Variants in NRK observed in about 807,000 individuals in gnomAD.
NRK encodes Nik related kinase.
A neutral mutation model predicts 125.2 loss-of-function variants in NRK; 67 were observed. The observed-to-expected ratio is 0.54, with a 90% CI of 0.44 to 0.66. The LOEUF (loss-of-function observed/expected upper bound fraction) is 0.66, where lower values mean the gene tolerates loss of function less well. Ranked by LOEUF, NRK falls within the 30% of genes least tolerant of loss-of-function variation. The pLI is 0.00. For synonymous variants in NRK, 458 were observed against 429.0 expected (o/e 1.07, Z -0.84); for missense variants, 1,224 against 1,192.9 (o/e 1.03, Z -0.38).
Position 105,947,682 on chromosome X carries a change from T to C in NRK, c.4353+1218T>C, listed in dbSNP as rs775028820. Among the ~76,000 whole-genome samples the C allele has an allele frequency of 3.6e-5, 4 of 111,744 alleles. No homozygotes were observed. The South Asian group carries it at 1.1e-3, about 31-fold the overall frequency. On this transcript the variant is annotated intron_variant, in intron 26 of 28. Transcript: ENST00000243300. ...ACCAACAGTTCTCTGCTTCACTATA[T>C]TTAAATTCCCAATTTTTAGACAACC...
chrX:105,837,018 C>A (rs2147647493), intron 2 of NRK, among the ~76,000 whole-genome samples: 1 of 111,511 alleles, frequency 9.0e-6, no homozygotes, highest in South Asian at 3.7e-4. Context: ...ACTTTTTAAC[C>A]AGCTAATATA....
At chrX:105,870,417 C>T (rs996397271) in intron 2 of NRK, among the ~76,000 whole-genome samples, 3 of 111,447 alleles carry the variant, frequency 2.7e-5, no homozygotes, top group Admixed American at 9.6e-5. Flanking sequence ...ATGGTGTCAC[C>T]CATTTGTAAC....
intron 2 of NRK, among the ~76,000 whole-genome samples, chrX:105,844,009 G>GTC (rs1259986219): frequency 1.2e-4 from 11 of 88,275 alleles, no homozygotes; most frequent in Non-Finnish European, 1.7e-4. Context: ...GTGTGTGTGT[G>GTC]TGTGTGTGTC....
chrX:105,898,758 G>A (rs1360531719), intron 8 of NRK, 44 bp downstream of exon 8: 1 of 1,017,660 alleles, frequency 9.8e-7, no homozygotes, highest in Admixed American at 3.8e-5. Context: ...ATTTGGAAAG[G>A]ATTTTTGATT....
intron 2 of NRK, among the ~76,000 whole-genome samples, chrX:105,843,570 G>T (rs2039356541): frequency 8.9e-6 from 1 of 111,805 alleles, no homozygotes. Flanking sequence ...TATTTCCAAA[G>T]GATGGAAATA....
At position 105,894,773 on chromosome X, in the gene NRK, A is replaced by G. The variant is rs531558770; in HGVS notation, c.490-660A>G. 6.2e-5 allele frequency among the ~76,000 whole-genome samples: 7 copies of G among 112,225 alleles called. No homozygotes were observed. The South Asian group carries it at 1.8e-3, about 30-fold the overall frequency. The stretch of plus-strand genomic sequence containing the variant: ...ATTTACTCCATGTAAAGCACTTAGT[A>G]CAATCCTTGGCAAAGAATAAGGGCT... On this transcript the variant is annotated intron_variant, in intron 6 of 28. Transcript: ENST00000243300.
At chrX:105,830,238 C>T (rs1215492980) in intron 1 of NRK, among the ~76,000 whole-genome samples, 3 of 86,358 alleles carry the variant, frequency 3.5e-5, no homozygotes, top group Non-Finnish European at 2.1e-5. Context: ...CACTTGAATT[C>T]GGGAGGCAGA....
At chrX:105,830,195 G>A in intron 1 of NRK, among the ~76,000 whole-genome samples, 1 of 105,810 alleles carries the variant, frequency 9.5e-6, no homozygotes, top group Non-Finnish European at 1.9e-5. Flanking sequence ...TACAAAATAA[G>A]CTCAGCTACT....
intron 2 of NRK, among the ~76,000 whole-genome samples, chrX:105,835,105 A>T (rs2039245534): frequency 8.9e-6 from 1 of 111,881 alleles, no homozygotes; most frequent in Admixed American, 9.6e-5. Context: ...AGTATGTAGA[A>T]CAGTAGAAAT....
intron 23 of NRK, among the ~76,000 whole-genome samples, chrX:105,942,137 T>C (rs1297918869): frequency 8.9e-6 from 1 of 112,219 alleles, no homozygotes; most frequent in Non-Finnish European, 1.9e-5. Context: ...TTTTTATTGC[T>C]GAGTAGTATT....
At chrX:105,914,313 T>C (rs2040338160) in intron 14 of NRK, among the ~76,000 whole-genome samples, 1 of 111,158 alleles carries the variant, frequency 9.0e-6, no homozygotes, top group Non-Finnish European at 1.9e-5. Flanking sequence ...GACTGTATTA[T>C]ATAATTAGAA....
At chrX:105,850,415 A>G (rs754588910) in intron 2 of NRK, among the ~76,000 whole-genome samples, 1 of 111,481 alleles carries the variant, frequency 9.0e-6, no homozygotes, top group South Asian at 3.8e-4. Context: ...CATTTTCCCC[A>G]TTGTCTTGGT....
chrX:105,855,543 C>G (rs1030742644), intron 2 of NRK, among the ~76,000 whole-genome samples: 1 of 111,542 alleles, frequency 9.0e-6, no homozygotes, highest in Non-Finnish European at 1.9e-5. Context: ...GCATTTGCAG[C>G]ATACATAATT....
At chrX:105,941,403 C>A (rs1285848650) in intron 23 of NRK, among the ~76,000 whole-genome samples, 1 of 111,054 alleles carries the variant, frequency 9.0e-6, no homozygotes, top group African/African-American at 3.3e-5. Context: ...TGAACTGTCA[C>A]CAATTACTAC....
intron 9 of NRK, 81 bp from the exon 10 acceptor site, chrX:105,905,184 T>G: frequency 7.3e-6 from 5 of 683,774 alleles, no homozygotes; most frequent in Non-Finnish European, 1.2e-5. Flanking sequence ...GAAAGATCAC[T>G]GAGAATCCCC....
At chrX:105,834,448 TGC>T (rs200428587) in intron 2 of NRK, among the ~76,000 whole-genome samples, 29 of 108,224 alleles carry the variant, frequency 2.7e-4, no homozygotes, top group Middle Eastern at 4.7e-3. Context: ...TGGAGGTGTG[TGC>T]GTGTGTGTGT....
chrX:105,870,388 G>A (rs2039729365), intron 2 of NRK, among the ~76,000 whole-genome samples: 3 of 111,458 alleles, frequency 2.7e-5, no homozygotes, highest in Admixed American at 1.9e-4. Flanking sequence ...TTGAATTAGT[G>A]ACCAGCATTG....
intron 2 of NRK, among the ~76,000 whole-genome samples, chrX:105,879,081 C>A (rs2147705084): frequency 9.0e-6 from 1 of 110,823 alleles, no homozygotes; most frequent in South Asian, 3.8e-4. Context: ...TGTATCACTG[C>A]AATTTCTTCT....
intron 4 of NRK, among the ~76,000 whole-genome samples, chrX:105,886,540 G>T (rs1047355560): frequency 9.7e-6 from 1 of 102,907 alleles, no homozygotes; most frequent in East Asian, 3.0e-4. Context: ...GTGTGTATGT[G>T]TGTGTGTGTG....
Sources: allele counts gnomAD v4.1 joint callset (sites outside exome capture counted in the v4.1 genomes callset), GRCh38; gene constraint gnomAD v4.1.1; transcripts MANE v1.5; gene names NCBI Gene and HGNC (gene_info 2026-07-23, HGNC 2026-07-21).